The following IL9 variants were observed in gnomAD, a reference collection of about 807,000 sequenced individuals.
IL9 encodes the protein interleukin 9, also known as interleukin-9.
IL9 carries 16 observed loss-of-function variants against 12.9 expected under a neutral mutation model. The ratio of observed to expected loss-of-function variants is 1.24; its 90% CI spans 0.84 to 1.88. The LOEUF is 1.88. IL9 is among the 40% of genes most tolerant of loss of function. The pLI is 0.00. For synonymous variants in IL9, 69 were observed against 63.8 expected (o/e 1.08, Z -0.39); for missense variants, 170 against 173.1 (o/e 0.98, Z 0.10).
At position 135,892,412 on chromosome 5, in the gene IL9, T is replaced by C; in HGVS notation, c.414A>G (p.Arg138=). 1 of 1,607,876 alleles carries C rather than the reference T, an allele frequency of 6.2e-7. No homozygotes were observed. ...LLEIFQKEKM[R]GMRGKI ...ATCTTCATATCTTGCCTCTCATCCC[T>C]CTCATCTTTTCTTTCTGGAAAATTT... The change falls in exon 5 of 5, where the codon AGA becomes AGG. Residue 138 remains arginine (R), a synonymous_variant. Transcript: ENST00000274520.
chr5:135,892,733 TACACACACACACACACACAC>T (rs59978451), intron 4 of IL9, among the ~76,000 whole-genome samples: 16,537 of 137,854 alleles, frequency 0.12, 973 homozygotes, highest in Non-Finnish European at 0.13. Flanking sequence ...CAGGGGTCTT[TACACACACACACACACACAC>T]ACACACACAC....
At chr5:135,894,222 A>G in intron 3 of IL9, 71 bp from the exon 4 acceptor site, 2 of 1,396,516 alleles carry the variant, frequency 1.4e-6, no homozygotes, top group Non-Finnish European at 2.0e-6. Context: ...ACAAAGAGCA[A>G]TATAATAGAG....
At chr5:135,895,151 T>C (rs1762923133) in intron 3 of IL9, among the ~76,000 whole-genome samples, 1 of 152,212 alleles carries the variant, frequency 6.6e-6, no homozygotes, top group South Asian at 2.1e-4. Flanking sequence ...TGGCCACCTA[T>C]CTAAAAAGAT....
chr5:135,894,977 G>A (rs1421929009), intron 3 of IL9, among the ~76,000 whole-genome samples: 1 of 152,136 alleles, frequency 6.6e-6, no homozygotes, highest in African/African-American at 2.4e-5. Context: ...GGAGGGGGAG[G>A]TATAGCGCAT....
chr5:135,892,624 A>G (rs1762885548), intron 4 of IL9, 114 bp from the exon 5 acceptor site: 1 of 1,207,992 alleles, frequency 8.3e-7, no homozygotes, highest in South Asian at 1.6e-5. Context: ...TGGGGATGGG[A>G]AGGGAAGTGG....
intron 3 of IL9, 28 bp from the exon 4 acceptor site, chr5:135,894,179 G>T (rs1240506464): frequency 1.1e-5 from 18 of 1,601,650 alleles, no homozygotes; most frequent in Non-Finnish European, 1.5e-5. Flanking sequence ...TTTATTCAAA[G>T]AAATATTCTG....
intron 4 of IL9, among the ~76,000 whole-genome samples, chr5:135,893,550 T>C (rs1581081576): frequency 6.6e-6 from 1 of 152,138 alleles, no homozygotes; most frequent in East Asian, 1.9e-4. Flanking sequence ...AGGCAGAGGC[T>C]GCAGTGAGCT....
At chr5:135,893,807 C>T (rs1762906221) in intron 4 of IL9, among the ~76,000 whole-genome samples, 2 of 152,160 alleles carry the variant, frequency 1.3e-5, no homozygotes, top group South Asian at 4.1e-4. Context: ...TAAATGGCCT[C>T]GTCAGGAACA....
chr5:135,893,548 G>C (rs1762903413), intron 4 of IL9, among the ~76,000 whole-genome samples: 1 of 152,068 alleles, frequency 6.6e-6, no homozygotes, highest in Non-Finnish European at 1.5e-5. Flanking sequence ...GGAGGCAGAG[G>C]CTGCAGTGAG....
chr5:135,893,019 T>C (rs1051613906), intron 4 of IL9, among the ~76,000 whole-genome samples: 1 of 152,110 alleles, frequency 6.6e-6, no homozygotes, highest in Non-Finnish European at 1.5e-5. Context: ...AATTGAATAA[T>C]TGTCCCTAAG....
chr5:135,892,898 A>G (rs1290426289), intron 4 of IL9, among the ~76,000 whole-genome samples: 1 of 152,162 alleles, frequency 6.6e-6, no homozygotes, highest in Non-Finnish European at 1.5e-5. Flanking sequence ...TGACAGTACA[A>G]TGGCTAAGAG....
intron 3 of IL9, 112 bp from the exon 4 acceptor site, chr5:135,894,263 C>T (rs1762913673): frequency 1.8e-6 from 2 of 1,083,942 alleles, no homozygotes; most frequent in Non-Finnish European, 2.6e-6. Context: ...ATTACTCAAA[C>T]TTGCATTATT....
intron 3 of IL9, among the ~76,000 whole-genome samples, chr5:135,894,500 A>G (rs1191335549): frequency 6.6e-6 from 1 of 152,188 alleles, no homozygotes; most frequent in Admixed American, 6.5e-5. Flanking sequence ...GCCTTTTCAC[A>G]CCAGCTAATG....
Position 135,895,707 on chromosome 5 carries a change from A to G in IL9, c.110T>C (p.Met37Thr), listed in dbSNP as rs1333402487. ...ILDINFLINKMQEDPASKCHC... is the reference protein window; with the variant it reads ...ILDINFLINKTQEDPASKCHC... Reference sequence around the variant, plus strand: ...TGGGCTCCCCCTGCAGCCTACCTGCATCTTGTTGATGAGGAAGTTGATGTC... The same window carrying G: ...TGGGCTCCCCCTGCAGCCTACCTGCGTCTTGTTGATGAGGAAGTTGATGTC... The change falls in exon 1 of 5, where the codon ATG becomes ACG. Residue 37 changes from methionine (M) to threonine (T), a missense_variant. Met to Thr is a moderately conservative substitution (Grantham distance 81, BLOSUM62 -1). Transcript: ENST00000274520. The G allele has an allele frequency of 2.5e-6, 4 of 1,612,836 alleles. No homozygotes were observed. The highest frequency in any genetic ancestry group is 3.4e-6 in the Non-Finnish European group (4 of 1,178,940).
At position 135,893,973 on chromosome 5, in the gene IL9, C is replaced by G. The variant is rs369943682; in HGVS notation, c.315+47G>C. On this transcript the variant is annotated intron_variant, in intron 4 of 4. Transcript: ENST00000274520. ...CAAACAGGGTTGGCATCACCATTCA[C>G]ATAGAAATCACCAACAGGAACATAT... 187 of 1,552,842 alleles carry G rather than the reference C, an allele frequency of 1.2e-4. No homozygotes were observed. In the African/African-American group the frequency reaches 2.0e-3, roughly 17 times the overall value.
Position 135,895,802 on chromosome 5 carries a change from C to T in IL9, c.15G>A (p.Met5Ile). ...ACAGGAGCAGGGCAGAGGTAAGGAC[C>T]ATGGCCAGAAGCATCTTGACAGCGG... MLLA[M>I]VLTSALLLCS... Residue 5 changes from methionine (M) to isoleucine (I), a missense_variant, in exon 1 of 5, where the codon ATG becomes ATA. Met to Ile is a conservative substitution (Grantham distance 10). Transcript: ENST00000274520. 6.2e-7 allele frequency: 1 copy of T among 1,613,412 alleles called. No individual in the cohort carries two copies. The highest frequency in any genetic ancestry group is 1.7e-5 in the Admixed American group (1 of 60,006).
intron 3 of IL9, among the ~76,000 whole-genome samples, 200 bp from the exon 4 acceptor site, chr5:135,894,351 C>G (rs1291519450): frequency 6.6e-6 from 1 of 152,132 alleles, no homozygotes. Flanking sequence ...AGTGACATCC[C>G]CTGGAGGAGA....
chr5:135,895,805 GGCCAGAAGCATCTT>G lies in IL9; in HGVS notation c.-3_11del. ...GGAGCAGGGCAGAGGTAAGGACCAT[GGCCAGAAGCATCTT>G]GACAGCGGACTGGAGCTCGCTTGCA... On this transcript the variant is annotated start_lost and 5_prime_UTR_variant, in exon 1 of 5. Transcript: ENST00000274520. 1 of 1,612,894 alleles carries G rather than the reference GGCCAGAAGCATCTT, an allele frequency of 6.2e-7. No homozygotes were observed. The highest frequency in any genetic ancestry group is 8.5e-7 in the Non-Finnish European group (1 of 1,179,332).
intron 4 of IL9, 116 bp downstream of exon 4, chr5:135,893,904 T>G (rs1762907132): frequency 1.3e-6 from 1 of 768,442 alleles, no homozygotes; most frequent in Admixed American, 3.4e-5. Flanking sequence ...ATGTCTTTTA[T>G]CAACCTTGAA....
Sources: gnomAD v4.1 joint callset for allele counts (sites outside exome capture counted in the v4.1 genomes callset) on GRCh38, gnomAD v4.1.1 for gene constraint, MANE v1.5 for transcripts, NCBI Gene and HGNC (gene_info 2026-07-23, HGNC 2026-07-21) for gene names.